Variants in MACROD2 observed in about 807,000 individuals in gnomAD.
MACROD2 encodes the protein ADP-ribose glycohydrolase MACROD2.
MACROD2 carries 36 observed loss-of-function variants against 70.4 expected under a neutral mutation model. The observed-to-expected ratio is 0.51, with a 90% CI of 0.39 to 0.68. The LOEUF (loss-of-function observed/expected upper bound fraction) is 0.68. Ranked by LOEUF, MACROD2 falls within the 30% of genes least tolerant of loss-of-function variation. The pLI, the probability that MACROD2 is intolerant of heterozygous loss-of-function variation, is 0.00. For missense variants in MACROD2, 496 were observed against 538.4 expected, an observed-to-expected ratio of 0.92 and a Z score of 0.78; for synonymous variants, 172 against 178.8, an observed-to-expected ratio of 0.96 and a Z score of 0.30.
At chr20:14,884,172 A>T (rs1309240037) in intron 5 of MACROD2, 1 of 152,200 alleles carries the variant, frequency 6.6e-6, no homozygotes, top group Non-Finnish European at 1.5e-5. Context: ...CAGAAAAATC[A>T]TGACAATTTC....
chr20:15,987,744 A>G (rs2066506735), intron 15 of MACROD2, among the ~76,000 whole-genome samples: 1 of 152,178 alleles, frequency 6.6e-6, no homozygotes, highest in Non-Finnish European at 1.5e-5. Context: ...GCAAAAAGCC[A>G]ATGTATTGGA....
chr20:15,757,987 T>C (rs560918273), intron 8 of MACROD2, among the ~76,000 whole-genome samples: 2 of 152,210 alleles, frequency 1.3e-5, no homozygotes, highest in African/African-American at 4.8e-5. Flanking sequence ...TCCCAAACCA[T>C]GCCCACAAAA....
At chr20:14,173,894 G>A (rs1032316819) in intron 3 of MACROD2, among the ~76,000 whole-genome samples, 2 of 152,104 alleles carry the variant, frequency 1.3e-5, no homozygotes, top group Non-Finnish European at 2.9e-5. Context: ...TTCTCTTCTG[G>A]ATCTAGCCAC....
chr20:14,371,720 T>C (rs1600171177), intron 3 of MACROD2, among the ~76,000 whole-genome samples: 1 of 152,104 alleles, frequency 6.6e-6, no homozygotes, highest in East Asian at 1.9e-4. Flanking sequence ...CTACCTGATA[T>C]TTCTGTGTTT....
chr20:14,992,503 G>A (rs1473927001), intron 5 of MACROD2, among the ~76,000 whole-genome samples: 1 of 152,152 alleles, frequency 6.6e-6, no homozygotes. Flanking sequence ...TACTAATGCA[G>A]TAGGTTGACA....
At chr20:14,760,387 G>T (rs1568780380) in intron 5 of MACROD2, among the ~76,000 whole-genome samples, 1 of 152,088 alleles carries the variant, frequency 6.6e-6, no homozygotes, top group Non-Finnish European at 1.5e-5. Context: ...TTTATTTTAA[G>T]TATAAAGTTC....
intron 5 of MACROD2, among the ~76,000 whole-genome samples, chr20:15,063,095 C>T (rs1456415210): frequency 6.6e-6 from 1 of 152,182 alleles, no homozygotes; most frequent in Non-Finnish European, 1.5e-5. Context: ...CTGCTTCACT[C>T]ACTCATTCAT....
At chr20:14,441,753 C>T (rs1315031330) in intron 3 of MACROD2, among the ~76,000 whole-genome samples, 1 of 152,106 alleles carries the variant, frequency 6.6e-6, no homozygotes, top group Non-Finnish European at 1.5e-5. Context: ...TTACTATGTG[C>T]CTCATAAAGA....
intron 4 of MACROD2, among the ~76,000 whole-genome samples, chr20:14,551,957 A>G (rs1347342134): frequency 6.6e-6 from 1 of 152,064 alleles, no homozygotes. Flanking sequence ...TTTTTGAGTG[A>G]AGTATTAAAT....
At chr20:14,540,378 A>C (rs534337326) in intron 4 of MACROD2, among the ~76,000 whole-genome samples, 4 of 152,188 alleles carry the variant, frequency 2.6e-5, no homozygotes, top group Non-Finnish European at 5.9e-5. Context: ...AGGCAGTCAA[A>C]CATATTTCAC....
chr20:15,838,032 T>C (rs1317934602), intron 8 of MACROD2, among the ~76,000 whole-genome samples: 2 of 152,146 alleles, frequency 1.3e-5, no homozygotes, highest in South Asian at 2.1e-4. Context: ...CATAAATCTA[T>C]GGGACTAAAA....
chr20:14,561,425 T>C (rs1291678260), intron 4 of MACROD2, among the ~76,000 whole-genome samples: 2 of 151,882 alleles, frequency 1.3e-5, no homozygotes, highest in Non-Finnish European at 2.9e-5. Flanking sequence ...AAATACCTTT[T>C]TGTATCCCAA....
At position 14,157,647 on chromosome 20, in the gene MACROD2, T is replaced by A. The variant is rs1489819856; in HGVS notation, c.271+71919T>A. On this transcript the variant is annotated intron_variant, in intron 3 of 17. Coordinates refer to ENST00000684519, the MANE Select transcript of MACROD2 (RefSeq NM_001351661.2). ...GAGTAAAGTTCATGAGATAAATTTT[T>A]TAGCTCCCACATATGATTGAGAATA... Among the ~76,000 whole-genome samples, 4 of 152,182 alleles carry A rather than the reference T, an allele frequency of 2.6e-5. No homozygotes were observed. In the East Asian group the frequency reaches 7.7e-4, roughly 29 times the overall value.
chr20:14,318,058 T>TA (rs1159574041), intron 3 of MACROD2, among the ~76,000 whole-genome samples: 8 of 152,322 alleles, frequency 5.3e-5, no homozygotes, highest in African/African-American at 1.7e-4. Flanking sequence ...GTATATTCAT[T>TA]AACATTGATC....
chr20:14,424,465 G>C (rs1003548309), intron 3 of MACROD2, among the ~76,000 whole-genome samples: 1 of 152,144 alleles, frequency 6.6e-6, no homozygotes, highest in African/African-American at 2.4e-5. Context: ...CATTTTTAGA[G>C]TTGAAGTATA....
At chr20:15,276,210 C>G (rs2077389877) in intron 6 of MACROD2, among the ~76,000 whole-genome samples, 1 of 152,022 alleles carries the variant, frequency 6.6e-6, no homozygotes, top group African/African-American at 2.4e-5. Context: ...ACCATCCTGG[C>G]TAACACGGTG....
chr20:15,494,762 T>TGCGCGTGTGTGTGTGC (rs1568847719), intron 7 of MACROD2, among the ~76,000 whole-genome samples: 1 of 124,752 alleles, frequency 8.0e-6, no homozygotes, highest in African/African-American at 3.8e-5. Context: ...TGTGTGTGTG[T>TGCGCGTGTGTGTGTGC]GCGCGTGTGT....
At chr20:15,192,330 T>A (rs1275662218) in intron 5 of MACROD2, among the ~76,000 whole-genome samples, 1 of 152,236 alleles carries the variant, frequency 6.6e-6, no homozygotes, top group East Asian at 1.9e-4. Flanking sequence ...TACATTTTAA[T>A]TCACAACCTT....
At chr20:14,602,357 G>C (rs1247983055) in intron 4 of MACROD2, among the ~76,000 whole-genome samples, 1 of 152,196 alleles carries the variant, frequency 6.6e-6, no homozygotes, top group East Asian at 1.9e-4. Context: ...CATGTGTTAA[G>C]GGATGGACTT....
Sources: allele counts gnomAD v4.1 joint callset (sites outside exome capture counted in the v4.1 genomes callset), GRCh38; gene constraint gnomAD v4.1.1; transcripts MANE v1.5; gene names NCBI Gene and HGNC (gene_info 2026-07-23, HGNC 2026-07-21).